Variants in MCUB observed in about 807,000 individuals in gnomAD.
MCUB encodes mitochondrial calcium uniporter dominant negative subunit beta.
In MCUB, 46 loss-of-function variants were observed where a neutral mutation model predicts 41.4. That is an observed-to-expected ratio of 1.11 (90% CI 0.88 to 1.42). The LOEUF (loss-of-function observed/expected upper bound fraction) is 1.42, where lower values mean the gene tolerates loss of function less well. Among genes scored for constraint, MCUB ranks in the 40% most tolerant of loss-of-function variants. MCUB has a pLI of 0.00. For missense variants in MCUB, 403 were observed against 404.9 expected, an observed-to-expected ratio of 1.00 and a Z score of 0.04; for synonymous variants, 148 against 148.2, an observed-to-expected ratio of 1.00 and a Z score of 0.01.
At chr4:109,663,539 C>T (rs553198803) in intron 3 of MCUB, among the ~76,000 whole-genome samples, 2 of 151,534 alleles carry the variant, frequency 1.3e-5, no homozygotes, top group African/African-American at 4.8e-5. Context: ...GCATCACGTT[C>T]ATTATTGTCC....
At chr4:109,582,989 G>C (rs1221664617) in intron 1 of MCUB, among the ~76,000 whole-genome samples, 1 of 152,160 alleles carries the variant, frequency 6.6e-6, no homozygotes, top group Non-Finnish European at 1.5e-5. Flanking sequence ...TTTGAAGTCA[G>C]GTCGCATGAT....
At chr4:109,685,880 TG>T (rs1729827102) in intron 7 of MCUB, among the ~76,000 whole-genome samples, 1 of 152,234 alleles carries the variant, frequency 6.6e-6, no homozygotes. Context: ...ACAGTCTGCT[TG>T]TTAGCCAGTT....
intron 1 of MCUB, among the ~76,000 whole-genome samples, chr4:109,637,697 C>T (rs1019665320): frequency 2.0e-5 from 3 of 152,090 alleles, no homozygotes; most frequent in African/African-American, 4.8e-5. Flanking sequence ...GGGAGCTAAG[C>T]TATGAGTACC....
chr4:109,577,598 C>CTTTTTTT (rs71594195), intron 1 of MCUB, among the ~76,000 whole-genome samples: 1 of 48,664 alleles, frequency 2.1e-5, no homozygotes, highest in Non-Finnish European at 4.1e-5. Context: ...TACTTGAATT[C>CTTTTTTT]TTTTTTTTTT....
At chr4:109,592,552 C>T (rs555369359) in intron 1 of MCUB, among the ~76,000 whole-genome samples, 1 of 152,244 alleles carries the variant, frequency 6.6e-6, no homozygotes, top group South Asian at 2.1e-4. Context: ...TCTCATCTTC[C>T]ACATTTCTGT....
intron 4 of MCUB, among the ~76,000 whole-genome samples, chr4:109,664,838 T>C (rs1206126264): frequency 1.3e-5 from 2 of 152,236 alleles, no homozygotes; most frequent in Non-Finnish European, 2.9e-5. Context: ...TTCAGGATTT[T>C]ACTTTAGGAT....
intron 1 of MCUB, among the ~76,000 whole-genome samples, chr4:109,593,177 G>A (rs965189297): frequency 5.9e-5 from 9 of 152,148 alleles, no homozygotes; most frequent in Admixed American, 4.6e-4. Flanking sequence ...GGGGCAGTTA[G>A]GATGATACCC....
chr4:109,586,062 A>C (rs1305068905), intron 1 of MCUB, among the ~76,000 whole-genome samples: 5 of 152,040 alleles, frequency 3.3e-5, no homozygotes, highest in Non-Finnish European at 5.9e-5. Flanking sequence ...ACTTGGTTCC[A>C]TTCTCCCTGT....
chr4:109,684,417 A>G, intron 5 of MCUB, 26 bp from the exon 6 acceptor site: 1 of 1,569,422 alleles, frequency 6.4e-7, no homozygotes, highest in Non-Finnish European at 8.7e-7. Flanking sequence ...TGTAAACAGA[A>G]TTAACAGTTT....
intron 1 of MCUB, among the ~76,000 whole-genome samples, chr4:109,623,920 G>A (rs1368218573): frequency 6.6e-6 from 1 of 152,134 alleles, no homozygotes; most frequent in Non-Finnish European, 1.5e-5. Context: ...TGTGATCATA[G>A]CTCACTGTAA....
intron 4 of MCUB, among the ~76,000 whole-genome samples, chr4:109,680,279 C>G (rs139428526): frequency 1.3e-5 from 2 of 152,232 alleles, no homozygotes; most frequent in African/African-American, 2.4e-5. Flanking sequence ...TGGATAGGTA[C>G]CAGTTAACAA....
At chr4:109,682,780 T>A in intron 5 of MCUB, 38 bp downstream of exon 5, 2 of 1,510,428 alleles carry the variant, frequency 1.3e-6, no homozygotes, top group Non-Finnish European at 1.8e-6. Flanking sequence ...TTGAAAATAA[T>A]ACCTAGTGTT....
At chr4:109,646,277 A>T (rs1728834390) in intron 1 of MCUB, among the ~76,000 whole-genome samples, 1 of 152,046 alleles carries the variant, frequency 6.6e-6, no homozygotes, top group South Asian at 2.1e-4. Context: ...AAAACTCTTG[A>T]TTTTCCCATG....
intron 1 of MCUB, among the ~76,000 whole-genome samples, chr4:109,573,237 G>GC (rs1726954368): frequency 6.6e-6 from 1 of 152,126 alleles, no homozygotes; most frequent in African/African-American, 2.4e-5. Context: ...CAGATCATGT[G>GC]GTCAGGAGAT....
intron 1 of MCUB, chr4:109,648,683 A>T (rs897723873): frequency 2.6e-6 from 1 of 390,028 alleles, no homozygotes; most frequent in African/African-American, 2.2e-5. Context: ...GAGCTCCTAT[A>T]TAGCAGTTTG....
rs1365588230 is a variant in MCUB, at chr4:109,659,038, G to C, written c.127G>C (p.Val43Leu). The change falls in exon 2 of 8, where the codon GTG (valine) becomes CTG (leucine). Residue 43 changes from valine (V) to leucine (L), a missense_variant. Physicochemically the swap from Val to Leu is conservative, Grantham distance 32. Transcript: ENST00000394650. Reference sequence around the variant, plus strand: ...TTTGCGTGTGAAGCTGTGTGGAAATGTGAAATACTACCAGTCACACCATTA... The same window carrying C: ...TTTGCGTGTGAAGCTGTGTGGAAATCTGAAATACTACCAGTCACACCATTA... The part of the protein sequence containing the change: ...QVLRVKLCGN[V>L]KYYQSHHYST... 1.9e-6 allele frequency: 3 copies of C among 1,543,232 alleles called. No homozygotes were observed. Among genetic ancestry groups the C allele is most frequent in the Admixed American group, 3.9e-5 (2 of 50,956 alleles).
At chr4:109,636,606 G>A (rs1474056559) in intron 1 of MCUB, among the ~76,000 whole-genome samples, 5 of 152,142 alleles carry the variant, frequency 3.3e-5, no homozygotes, top group African/African-American at 7.2e-5. Flanking sequence ...AGGCCGAGGC[G>A]GGCAGATCAC....
chr4:109,579,189 G>C (rs1328864959), intron 1 of MCUB, among the ~76,000 whole-genome samples: 3 of 152,060 alleles, frequency 2.0e-5, no homozygotes, highest in South Asian at 4.1e-4. Context: ...AAACTCAGAA[G>C]TGTATGGGTT....
intron 1 of MCUB, among the ~76,000 whole-genome samples, chr4:109,629,503 A>G (rs1728429747): frequency 6.6e-6 from 1 of 152,164 alleles, no homozygotes; most frequent in African/African-American, 2.4e-5. Flanking sequence ...TGATTCTGAC[A>G]CTGTATACCT....
Sources: gnomAD v4.1 joint callset for allele counts (sites outside exome capture counted in the v4.1 genomes callset) on GRCh38, gnomAD v4.1.1 for gene constraint, MANE v1.5 for transcripts, NCBI Gene and HGNC (gene_info 2026-07-23, HGNC 2026-07-21) for gene names.